The following DSCAML1 variants were observed in gnomAD, a reference collection of about 807,000 sequenced individuals.
DSCAML1 encodes cell adhesion molecule DSCAML1.
In DSCAML1, 38 loss-of-function variants were observed where a neutral mutation model predicts 200.5. The ratio of observed to expected loss-of-function variants is 0.19; its 90% CI spans 0.15 to 0.25. The LOEUF (loss-of-function observed/expected upper bound fraction) is 0.25. Ranked by LOEUF, DSCAML1 falls within the 10% of genes least tolerant of loss-of-function variation. The pLI, the probability that DSCAML1 is intolerant of heterozygous loss-of-function variation, is 1.00. For missense variants in DSCAML1, 2,223 were observed against 2,858.8 expected (o/e 0.78, Z 5.07); for synonymous variants, 1,215 against 1,165.0 (o/e 1.04, Z -0.87).
At chr11:117,753,281 C>T (rs559663814) in intron 3 of DSCAML1, among the ~76,000 whole-genome samples, 5 of 152,216 alleles carry the variant, frequency 3.3e-5, no homozygotes, top group East Asian at 1.9e-4. Flanking sequence ...GGAATATGGG[C>T]GGCATCATTT....
intron 3 of DSCAML1, among the ~76,000 whole-genome samples, chr11:117,539,009 C>A (rs1187021095): frequency 6.6e-6 from 1 of 152,222 alleles, no homozygotes; most frequent in Non-Finnish European, 1.5e-5. Flanking sequence ...CACGTCAGAT[C>A]CTGCGGCTCC....
chr11:117,723,523 G>T (rs1000832600), intron 3 of DSCAML1, among the ~76,000 whole-genome samples: 1 of 152,158 alleles, frequency 6.6e-6, no homozygotes, highest in African/African-American at 2.4e-5. Flanking sequence ...AAAAAGAGAG[G>T]TTTGCTCATC....
intron 3 of DSCAML1, among the ~76,000 whole-genome samples, chr11:117,715,093 G>A (rs375401049): frequency 2.1e-4 from 29 of 138,754 alleles, no homozygotes; most frequent in Middle Eastern, 3.8e-3. Flanking sequence ...ATACAATTTC[G>A]TCAGTTAAAA....
Position 117,516,890 on chromosome 11 carries a change from CT to C in DSCAML1, c.1511-152del. The C allele has an allele frequency of 2.1e-6, 2 of 963,904 alleles. No individual in the cohort carries two copies. Among genetic ancestry groups the C allele is most frequent in the Non-Finnish European group, 3.0e-6 (2 of 667,566 alleles). 59.7% of individuals were successfully genotyped at this position (963,904 alleles called of 1,614,324 possible). A position where few individuals can be genotyped will look rare whatever the true frequency, so the allele number is the denominator to read the frequency against. ...ACATTTGGTGGGGGCACAGGGATGC[CT>C]TTTTACAAAGCTACAGACAGGGGCT... On this transcript the variant is annotated intron_variant, in intron 7 of 32. Transcript: ENST00000651296. The surrounding 1 kb of genome is among the most constrained non-coding windows in gnomAD (Gnocchi z 5.7).
intron 14 of DSCAML1, among the ~76,000 whole-genome samples, chr11:117,478,763 C>A (rs576386839): frequency 6.6e-6 from 1 of 152,322 alleles, no homozygotes; most frequent in South Asian, 2.1e-4. Flanking sequence ...TGGTCTCTGT[C>A]CTTCGCTTTC....
At chr11:117,797,448 G>A (rs1326746534), upstream of DSCAML1, among the ~76,000 whole-genome samples, 1 of 152,226 alleles carries the variant, frequency 6.6e-6, no homozygotes, top group Non-Finnish European at 1.5e-5. Flanking sequence ...TCACCCACCG[G>A]CTTGGAGCCT....
upstream of DSCAML1, chr11:117,801,936 G>A (rs1050728832): frequency 6.6e-6 from 1 of 152,216 alleles, no homozygotes; most frequent in African/African-American, 2.4e-5. Context: ...AATCGGTTGA[G>A]AAGCCAACCC....
In DSCAML1 at chr11:117,642,727, C is replaced by T. The variant is rs1331627906; in HGVS notation, c.512-110205G>A. ...GTCACGATCCTGGCTCAGATGAAGACGTCAGACTGGCGGGGCTGAGAAACA... is the reference window on the plus strand; with the variant it reads ...GTCACGATCCTGGCTCAGATGAAGATGTCAGACTGGCGGGGCTGAGAAACA... On this transcript the variant is annotated intron_variant, in intron 3 of 32. Coordinates refer to ENST00000651296, the MANE Select transcript of DSCAML1 (RefSeq NM_020693.4). The surrounding 1 kb of genome is among the most constrained non-coding windows in gnomAD (Gnocchi z 4.1). Among the ~76,000 whole-genome samples the T allele has an allele frequency of 2.0e-5, 3 of 152,310 alleles. No homozygotes were observed. The highest frequency in any genetic ancestry group is 2.1e-4 in the South Asian group (1 of 4,818).
At chr11:117,784,367 C>T (rs138662431) in intron 1 of DSCAML1, among the ~76,000 whole-genome samples, 1 of 152,278 alleles carries the variant, frequency 6.6e-6, no homozygotes, top group East Asian at 1.9e-4. Context: ...TTTAGCCTCG[C>T]CCTGCCTGCC....
Position 117,521,329 on chromosome 11 carries a change from C to T in DSCAML1, c.1014G>A (p.Leu338=). 3 of 1,614,194 alleles carry T rather than the reference C, an allele frequency of 1.9e-6. No homozygotes were observed. Among genetic ancestry groups the T allele is most frequent in the Non-Finnish European group, 2.5e-6 (3 of 1,180,036 alleles). ...GGATGGTGAACTCTGGGGAGCCCGTCAGGGCACAGGAGAGGATGACCGTGC... is the reference window on the plus strand; with the variant it reads ...GGATGGTGAACTCTGGGGAGCCCGTTAGGGCACAGGAGAGGATGACCGTGC... The part of the protein sequence containing the change: ...IGSTVILSCA[L]TGSPEFTIRW... Residue 338 remains leucine, a synonymous_variant, in exon 6 of 33, where the codon CTG becomes CTA. Coordinates refer to ENST00000651296, the MANE Select transcript of DSCAML1 (RefSeq NM_020693.4).
At position 117,463,336 on chromosome 11, in the gene DSCAML1, C is replaced by T. The variant is rs2048518738; in HGVS notation, c.3265+1606G>A. ...GGTGCTCCCTGGACAAGCAGCATTACCTGGGAACTTATTAGAAATAATACA... is the reference window on the plus strand; with the variant it reads ...GGTGCTCCCTGGACAAGCAGCATTATCTGGGAACTTATTAGAAATAATACA... On this transcript the variant is annotated intron_variant, in intron 17 of 32. Transcript: ENST00000651296. This position sits in a 1 kb window ranked among gnomAD's most constrained non-coding sequence, Gnocchi z 4.0. 6.6e-6 allele frequency among the ~76,000 whole-genome samples: 1 copy of T among 151,852 alleles called. No individual in the cohort carries two copies. Among genetic ancestry groups the T allele is most frequent in the Admixed American group, 6.6e-5 (1 of 15,260 alleles).
At position 117,450,588 on chromosome 11, in the gene DSCAML1, C is replaced by T; in HGVS notation, c.3669G>A (p.Lys1223=). ...CGGGGCTGGAACAGAAGATGGTGTA[C>T]TTGCGGATCACCCCGTTGGGCTTGG... ...PPTKPNGVIR[K]YTIFCSSPGS... Residue 1223 remains lysine (K), a synonymous_variant, in exon 20 of 33, where the codon AAG becomes AAA. Transcript: ENST00000651296. 6.2e-7 allele frequency: 1 copy of T among 1,614,212 alleles called. No homozygotes were observed. The highest frequency in any genetic ancestry group is 8.5e-7 in the Non-Finnish European group (1 of 1,180,046).
At chr11:117,717,426 C>G (rs1014143886) in intron 3 of DSCAML1, among the ~76,000 whole-genome samples, 3 of 152,252 alleles carry the variant, frequency 2.0e-5, no homozygotes, top group Non-Finnish European at 4.4e-5. Flanking sequence ...TATCACTCAT[C>G]ATTTCCTCCA....
chr11:117,777,356 C>T (rs1450855466), intron 2 of DSCAML1, among the ~76,000 whole-genome samples: 1 of 152,168 alleles, frequency 6.6e-6, no homozygotes, highest in African/African-American at 2.4e-5. Context: ...CCTAAGAAAA[C>T]CAAACCGGAT....
intron 1 of DSCAML1, among the ~76,000 whole-genome samples, chr11:117,808,840 G>C (rs77417945): frequency 6.6e-6 from 1 of 152,126 alleles, no homozygotes; most frequent in African/African-American, 2.4e-5. Flanking sequence ...TTACATGTTC[G>C]CAGCACTTTG....
chr11:117,491,422 C>A (rs2049179072), intron 11 of DSCAML1, among the ~76,000 whole-genome samples: 1 of 152,218 alleles, frequency 6.6e-6, no homozygotes. Context: ...TAGTAACTGG[C>A]AGAGTCAGGC....
At chr11:117,784,474 G>A (rs1395636355) in intron 1 of DSCAML1, among the ~76,000 whole-genome samples, 1 of 152,162 alleles carries the variant, frequency 6.6e-6, no homozygotes, top group Admixed American at 6.5e-5. Context: ...GGGCACATGG[G>A]CAGCAGGTTA....
chr11:117,618,241 T>C (rs1247923879), intron 3 of DSCAML1, among the ~76,000 whole-genome samples: 1 of 152,230 alleles, frequency 6.6e-6, no homozygotes, highest in East Asian at 1.9e-4. Context: ...TTCTGCCAGA[T>C]GGTTGTTGAG....
chr11:117,600,023 C>T (rs1011875710), intron 3 of DSCAML1, among the ~76,000 whole-genome samples: 1 of 152,214 alleles, frequency 6.6e-6, no homozygotes, highest in African/African-American at 2.4e-5. Context: ...TCTGTGCCTC[C>T]CTTTCCTTTT....
Sources: gnomAD v4.1 joint callset for allele counts (sites outside exome capture counted in the v4.1 genomes callset) on GRCh38, gnomAD v4.1.1 for gene constraint, Gnocchi (gnomAD v3.1) non-coding constraint, MANE v1.5 for transcripts, NCBI Gene and HGNC (gene_info 2026-07-23, HGNC 2026-07-21) for gene names.